Variants in TNNI3K observed in about 807,000 individuals in gnomAD.
TNNI3K encodes the protein TNNI3 interacting kinase.
A neutral mutation model predicts 114.5 loss-of-function variants in TNNI3K; 140 were observed. The observed-to-expected ratio is 1.22, with a 90% CI of 1.07 to 1.41. The LOEUF is 1.41. Ranked by LOEUF, TNNI3K falls within the 40% of genes most tolerant of loss-of-function variation. TNNI3K has a pLI of 0.00. For missense variants in TNNI3K, 1,125 were observed against 1,007.6 expected, an observed-to-expected ratio of 1.12 and a Z score of -1.58; for synonymous variants, 347 against 347.5, an observed-to-expected ratio of 1.00 and a Z score of 0.02.
intron 11 of TNNI3K, among the ~76,000 whole-genome samples, chr1:74,356,464 T>C (rs1255828620): frequency 1.3e-5 from 2 of 152,174 alleles, no homozygotes; most frequent in African/African-American, 2.4e-5. Flanking sequence ...AAATCTTAAA[T>C]TTTCTGAAAT....
intron 17 of TNNI3K, among the ~76,000 whole-genome samples, chr1:74,419,774 T>G (rs2100632157): frequency 6.6e-6 from 1 of 152,250 alleles, no homozygotes; most frequent in African/African-American, 2.4e-5. Flanking sequence ...CAGGATATTA[T>G]CAAAGTAGCA....
At chr1:74,464,859 C>T in intron 21 of TNNI3K, 1 of 1,386,858 alleles carries the variant, frequency 7.2e-7, no homozygotes, top group South Asian at 1.9e-5. Flanking sequence ...TTGTTCACTG[C>T]TATAACACTA....
intron 21 of TNNI3K, chr1:74,470,968 C>T (rs977232119): frequency 7.2e-5 from 29 of 400,702 alleles, no homozygotes; most frequent in African/African-American, 4.3e-4. Flanking sequence ...TAAAACATCA[C>T]TTCCTGTATT....
intron 21 of TNNI3K, among the ~76,000 whole-genome samples, chr1:74,484,545 G>T (rs1197356123): frequency 6.6e-6 from 1 of 152,132 alleles, no homozygotes; most frequent in Admixed American, 6.6e-5. Context: ...TGACTCGAGG[G>T]CTCTAAATAT....
chr1:74,403,887 ACTT>A (rs1226666753), intron 17 of TNNI3K, among the ~76,000 whole-genome samples: 1 of 152,130 alleles, frequency 6.6e-6, no homozygotes, highest in Non-Finnish European at 1.5e-5. Flanking sequence ...TTTAAATTTT[ACTT>A]CTTATGCTTC....
At chr1:74,425,984 G>A (rs931325412) in intron 17 of TNNI3K, among the ~76,000 whole-genome samples, 1 of 130,364 alleles carries the variant, frequency 7.7e-6, no homozygotes, top group Non-Finnish European at 1.6e-5. Context: ...CTGAAGAGAC[G>A]CTGAAAGGTT....
At chr1:74,498,911 A>G (rs17095451) in intron 23 of TNNI3K, among the ~76,000 whole-genome samples, 16,055 of 152,258 alleles carry the variant, frequency 0.11, 2,258 homozygotes, top group African/African-American at 0.32. Flanking sequence ...CTTCAAAGGT[A>G]GATTTCATGT....
Position 74,443,182 on chromosome 1 carries a change from A to C in TNNI3K, c.2011+3560A>C, listed in dbSNP as rs1488464407. ...TACATCAGAGTGAACTGAAGGATATAGAGACACAAAAAACCTTTCAGAAAA... is the reference window on the plus strand; with the variant it reads ...TACATCAGAGTGAACTGAAGGATATCGAGACACAAAAAACCTTTCAGAAAA... On this transcript the variant is annotated intron_variant, in intron 20 of 24. Transcript: ENST00000326637. 2.0e-5 allele frequency among the ~76,000 whole-genome samples: 3 copies of C among 152,200 alleles called. No homozygotes were observed. The East Asian group carries it at 5.8e-4, about 29-fold the overall frequency.
At chr1:74,380,515 C>T (rs1663147891) in intron 17 of TNNI3K, among the ~76,000 whole-genome samples, 1 of 152,072 alleles carries the variant, frequency 6.6e-6, no homozygotes, top group Admixed American at 6.6e-5. Context: ...AAGGGAGAAG[C>T]GACGCCCCTC....
chr1:74,271,747 T>A (rs199611314), intron 5 of TNNI3K, 39 bp downstream of exon 5: 17 of 1,521,114 alleles, frequency 1.1e-5, no homozygotes, highest in Non-Finnish European at 1.4e-5. Context: ...ACAAAGGTTA[T>A]TTACCTTTTC....
chr1:74,531,810 G>A (rs1570749661), intron 23 of TNNI3K, among the ~76,000 whole-genome samples: 1 of 152,288 alleles, frequency 6.6e-6, no homozygotes, highest in Middle Eastern at 3.4e-3. Context: ...GGGGATAAGT[G>A]TGCATATGGC....
Position 74,544,074 on chromosome 1 carries a change from T to C in TNNI3K, c.*92T>C, listed in dbSNP as rs200055281. The stretch of plus-strand genomic sequence containing the variant: ...AAGCTGGCTTCCAACTATAACATTT[T>C]ACTCTCAAAGGTCTCCTTAAATTGG... On this transcript the variant is annotated 3_prime_UTR_variant, in exon 25 of 25. Transcript: ENST00000326637. The C allele has an allele frequency of 2.1e-6, 3 of 1,402,570 alleles. No homozygotes were observed. The highest frequency in any genetic ancestry group is 1.9e-6 in the Non-Finnish European group (2 of 1,027,878). 86.9% of individuals were successfully genotyped at this position (1,402,570 alleles called of 1,614,324 possible). A position where few individuals can be genotyped will look rare whatever the true frequency, so the allele number is the denominator to read the frequency against.
intron 23 of TNNI3K, among the ~76,000 whole-genome samples, chr1:74,502,795 A>C (rs1273054897): frequency 6.6e-6 from 1 of 152,196 alleles, no homozygotes; most frequent in Non-Finnish European, 1.5e-5. Flanking sequence ...ATACAGACCC[A>C]AACTGAACAC....
intron 6 of TNNI3K, 104 bp from the exon 7 acceptor site, chr1:74,335,906 CA>C (rs1660438461): frequency 7.9e-7 from 1 of 1,265,930 alleles, no homozygotes; most frequent in Admixed American, 3.2e-5. Flanking sequence ...GGTGATATAA[CA>C]ATAAATTTTT....
intron 3 of TNNI3K, 75 bp downstream of exon 3, chr1:74,249,619 T>G: frequency 7.1e-7 from 1 of 1,409,846 alleles, no homozygotes; most frequent in South Asian, 1.4e-5. Flanking sequence ...TGCTTAATAG[T>G]CTGCAAAAGA....
At chr1:74,277,959 TGC>T (rs1656782460) in intron 5 of TNNI3K, among the ~76,000 whole-genome samples, 1 of 152,230 alleles carries the variant, frequency 6.6e-6, no homozygotes, top group African/African-American at 2.4e-5. Context: ...TTCAAGGTAA[TGC>T]ACTCAGTATT....
chr1:74,339,965 A>T (rs993417697), intron 7 of TNNI3K, among the ~76,000 whole-genome samples: 3 of 152,120 alleles, frequency 2.0e-5, no homozygotes, highest in Non-Finnish European at 4.4e-5. Flanking sequence ...GCTGGATATT[A>T]CAGAAAGCCA....
At chr1:74,500,741 G>A (rs1669582121) in intron 23 of TNNI3K, among the ~76,000 whole-genome samples, 1 of 149,682 alleles carries the variant, frequency 6.7e-6, no homozygotes, top group East Asian at 1.9e-4. Flanking sequence ...AGTAGATAGA[G>A]GATTTTAATT....
chr1:74,521,772 A>G (rs1646436770), intron 23 of TNNI3K, among the ~76,000 whole-genome samples: 1 of 152,190 alleles, frequency 6.6e-6, no homozygotes. Flanking sequence ...GAATACATGA[A>G]TGAATAAATG....
Sources: allele counts gnomAD v4.1 joint callset (sites outside exome capture counted in the v4.1 genomes callset), GRCh38; gene constraint gnomAD v4.1.1; transcripts MANE v1.5; gene names NCBI Gene and HGNC (gene_info 2026-07-23, HGNC 2026-07-21).